LCOR: variants seen among roughly 807,000 people sequenced by gnomAD.
LCOR encodes ligand-dependent corepressor.
Under a neutral mutation model 64.4 loss-of-function variants are expected in LCOR, and 14 were observed. That is an observed-to-expected ratio of 0.22 (90% CI 0.14 to 0.34). The LOEUF (loss-of-function observed/expected upper bound fraction) is 0.34, where lower values mean the gene tolerates loss of function less well. Ranked by LOEUF, LCOR falls within the 10% of genes least tolerant of loss-of-function variation. LCOR has a pLI of 1.00. For missense variants in LCOR, 1,686 were observed against 1,765.3 expected (o/e 0.96, Z 0.80); for synonymous variants, 643 against 642.5 (o/e 1.00, Z -0.01).
At chr10:96,858,565 T>C (rs1845840249) in intron 2 of LCOR, among the ~76,000 whole-genome samples, 1 of 152,218 alleles carries the variant, frequency 6.6e-6, no homozygotes, top group South Asian at 2.1e-4. Context: ...TTCCTCACAG[T>C]GGTGCTGTGG....
chr10:96,924,532 G>A (rs1029889260), intron 4 of LCOR, among the ~76,000 whole-genome samples: 1 of 151,814 alleles, frequency 6.6e-6, no homozygotes, highest in African/African-American at 2.4e-5. Flanking sequence ...GTGAGCTACT[G>A]CGCCCAGCCA....
rs773318085 is a variant in LCOR, at chr10:96,984,554, C to A, written c.4094C>A (p.Ala1365Glu). The A allele has an allele frequency of 1.2e-5, 20 of 1,614,058 alleles. No homozygotes were observed. Among genetic ancestry groups the A allele is most frequent in the Middle Eastern group, 3.3e-4 (2 of 6,084 alleles). The change falls in exon 8 of 8, where the codon GCA becomes GAA. Residue 1365 changes from alanine to glutamate, a missense_variant. By Grantham distance (107) the Ala-to-Glu change is moderately radical (BLOSUM62 -1). Transcript: ENST00000421806. ...CCCAAGCTTGCCCTGCAAGTGGATG[C>A]AGATGGGTTTCCTGTTAAGCCCAAG... ...MSPKLALQVD[A>E]DGFPVKPKST...
intron 2 of LCOR, among the ~76,000 whole-genome samples, chr10:96,861,613 A>G (rs1290828549): frequency 6.6e-6 from 1 of 151,696 alleles, no homozygotes; most frequent in Non-Finnish European, 1.5e-5. Context: ...TGGCATGATC[A>G]CAGCTCACTG....
At chr10:96,884,820 G>A (rs1437606285) in intron 2 of LCOR, among the ~76,000 whole-genome samples, 1 of 152,068 alleles carries the variant, frequency 6.6e-6, no homozygotes, top group African/African-American at 2.4e-5. Flanking sequence ...AACCCAAGTT[G>A]GTTTTAATAC....
At chr10:96,955,354 T>G in intron 7 of LCOR, 2 of 1,614,204 alleles carry the variant, frequency 1.2e-6, no homozygotes, top group Non-Finnish European at 1.7e-6. Flanking sequence ...AAAAAGGATG[T>G]GAGCCATTCA....
At chr10:96,921,528 C>A (rs939006153) in intron 4 of LCOR, among the ~76,000 whole-genome samples, 1 of 152,164 alleles carries the variant, frequency 6.6e-6, no homozygotes, top group Non-Finnish European at 1.5e-5. Flanking sequence ...GTGGCACAAT[C>A]TTGGCTCACC....
At position 96,989,695 on chromosome 10, in the gene LCOR, A is replaced by ATATATATATATTTTTTTT. The variant is rs1371771053; in HGVS notation, c.*4562_*4563insATATATATATTTTTTTTT. ...TAAGGATATATATATATATATATAT[A>ATATATATATATTTTTTTT]TTTTTTTTTTTTTTTTTTTTTTTTA... On this transcript the variant is annotated 3_prime_UTR_variant, in exon 8 of 8. Transcript: ENST00000421806. 1 of 86,160 alleles carries ATATATATATATTTTTTTT rather than the reference A, an allele frequency of 1.2e-5. No homozygotes were observed. Among genetic ancestry groups the ATATATATATATTTTTTTT allele is most frequent in the African/African-American group, 6.2e-5 (1 of 16,170 alleles). 5.3% of individuals were successfully genotyped at this position (86,160 alleles called of 1,614,324 possible). A position where few individuals can be genotyped will look rare whatever the true frequency, so the allele number is the denominator to read the frequency against.
At chr10:96,834,224 A>G (rs1173925324) in intron 2 of LCOR, among the ~76,000 whole-genome samples, 1 of 152,244 alleles carries the variant, frequency 6.6e-6, no homozygotes, top group East Asian at 1.9e-4. Context: ...GCTTTAAGGT[A>G]TCTGATACCA....
At chr10:96,875,332 C>G (rs888363480) in intron 2 of LCOR, among the ~76,000 whole-genome samples, 8 of 151,656 alleles carry the variant, frequency 5.3e-5, no homozygotes, top group African/African-American at 1.5e-4. Context: ...TGCAGTGGGC[C>G]ACTGTACTCC....
chr10:96,945,354 T>C (rs1847569552), intron 5 of LCOR, among the ~76,000 whole-genome samples: 1 of 152,180 alleles, frequency 6.6e-6, no homozygotes, highest in Non-Finnish European at 1.5e-5. Context: ...TGAAGTGTAG[T>C]GTCATATAAA....
Position 96,981,553 on chromosome 10 carries a change from G to C in LCOR, c.1093G>C (p.Asp365His). ...GFMGNSSRTADKENTLQCPKT... is the reference protein window; with the variant it reads ...GFMGNSSRTAHKENTLQCPKT... Reference sequence around the variant, plus strand: ...TATGGGGAACTCATCTAGAACTGCTGACAAAGAGAATACTTTACAGTGTCC... The same window carrying C: ...TATGGGGAACTCATCTAGAACTGCTCACAAAGAGAATACTTTACAGTGTCC... The change falls in exon 8 of 8, where the codon GAC (aspartate) becomes CAC (histidine). Residue 365 changes from aspartate to histidine, a missense_variant. Asp to His is a moderately conservative substitution (Grantham distance 81, BLOSUM62 -1). Around this residue, in one of 3 missense-constraint regions of LCOR, gnomAD observed 313 missense variants for 247.2 expected, o/e 1.27. Transcript: ENST00000421806. 1 of 1,614,230 alleles carries C rather than the reference G, an allele frequency of 6.2e-7. No individual in the cohort carries two copies. Among genetic ancestry groups the C allele is most frequent in the South Asian group, 1.1e-5 (1 of 91,080 alleles).
chr10:96,942,718 G>C (rs1455564699), intron 4 of LCOR, among the ~76,000 whole-genome samples: 1 of 151,814 alleles, frequency 6.6e-6, no homozygotes, highest in African/African-American at 2.4e-5. Context: ...AATATCAGTG[G>C]GTATTTTTTT....
At chr10:96,955,692 A>G (rs1303798888) in intron 7 of LCOR, 1 of 1,614,216 alleles carries the variant, frequency 6.2e-7, no homozygotes, top group Non-Finnish European at 8.5e-7. Flanking sequence ...GGAGGAAGCA[A>G]TCTCAGTGGT....
chr10:96,918,779 C>G (rs761940238), intron 4 of LCOR, among the ~76,000 whole-genome samples: 1 of 152,122 alleles, frequency 6.6e-6, no homozygotes, highest in Non-Finnish European at 1.5e-5. Flanking sequence ...ATATAAGAAC[C>G]GTGGCCAACT....
At chr10:96,946,584 T>C (rs1293155426) in intron 5 of LCOR, among the ~76,000 whole-genome samples, 1 of 152,120 alleles carries the variant, frequency 6.6e-6, no homozygotes, top group African/African-American at 2.4e-5. Context: ...TTTATTTGAC[T>C]CAGTTGTGCT....
chr10:96,928,220 G>A (rs998251946), intron 4 of LCOR, among the ~76,000 whole-genome samples: 8 of 152,118 alleles, frequency 5.3e-5, no homozygotes, highest in Admixed American at 1.3e-4. Flanking sequence ...CATTTTACCC[G>A]TAGTAGAACT....
At chr10:96,919,488 CTTTTTA>C (rs897985139) in intron 4 of LCOR, among the ~76,000 whole-genome samples, 35 of 152,028 alleles carry the variant, frequency 2.3e-4, no homozygotes, top group Middle Eastern at 3.4e-3. Context: ...TGGATTGTAT[CTTTTTA>C]TTTTTTTAAA....
At chr10:96,929,287 G>T (rs1222530344) in intron 4 of LCOR, among the ~76,000 whole-genome samples, 1 of 152,226 alleles carries the variant, frequency 6.6e-6, no homozygotes, top group Non-Finnish European at 1.5e-5. Context: ...GTTGTTTTGT[G>T]TAGCCACCTT....
At chr10:96,859,076 G>A (rs774659981) in intron 2 of LCOR, among the ~76,000 whole-genome samples, 4 of 152,204 alleles carry the variant, frequency 2.6e-5, no homozygotes, top group Non-Finnish European at 5.9e-5. Context: ...CATTTTGTGG[G>A]TTTATGAACT....
Sources: gnomAD v4.1 joint callset for allele counts (sites outside exome capture counted in the v4.1 genomes callset) on GRCh38, gnomAD v4.1.1 for gene constraint, gnomAD v4.1.1 regional missense constraint, MANE v1.5 for transcripts, NCBI Gene and HGNC (gene_info 2026-07-23, HGNC 2026-07-21) for gene names.